The following GRIP1 variants were observed in gnomAD, a reference collection of about 807,000 sequenced individuals.
The protein encoded by GRIP1 is glutamate receptor-interacting protein 1.
In GRIP1, 45 loss-of-function variants were observed where a neutral mutation model predicts 129.9. The ratio of observed to expected loss-of-function variants is 0.35; its 90% CI spans 0.27 to 0.44. The LOEUF is 0.44. GRIP1 is among the 20% of genes least tolerant of loss of function. GRIP1 has a pLI of 1.00. For synonymous variants in GRIP1, 530 were observed against 520.8 expected (o/e 1.02, Z -0.24); for missense variants, 1,196 against 1,396.8 (o/e 0.86, Z 2.29).
intron 1 of GRIP1, among the ~76,000 whole-genome samples, chr12:66,866,490 A>T (rs999972476): frequency 1.3e-5 from 2 of 152,124 alleles, no homozygotes; most frequent in Admixed American, 6.6e-5. Context: ...GAACATGGTG[A>T]CTATAGTTAA....
intron 10 of GRIP1, 90 bp downstream of exon 10, chr12:66,456,097 A>G: frequency 1.3e-6 from 1 of 758,192 alleles, no homozygotes; most frequent in Non-Finnish European, 2.0e-6. Flanking sequence ...CAGAAAAAAC[A>G]ACATCCATGA....
chr12:66,392,848 A>G, intron 17 of GRIP1, 32 bp from the exon 18 acceptor site: 2 of 1,602,604 alleles, frequency 1.2e-6, no homozygotes, highest in Non-Finnish European at 1.7e-6. Context: ...GGAGAGGTAG[A>G]AATAATCCCT....
At chr12:66,668,747 A>G (rs1474951021) in intron 1 of GRIP1, among the ~76,000 whole-genome samples, 6 of 151,728 alleles carry the variant, frequency 4.0e-5, no homozygotes, top group Admixed American at 2.6e-4. Context: ...ACATAGGGAC[A>G]TAGGGAGACC....
At chr12:66,803,158 C>A (rs943918426) in intron 1 of GRIP1, among the ~76,000 whole-genome samples, 1 of 152,122 alleles carries the variant, frequency 6.6e-6, no homozygotes, top group Non-Finnish European at 1.5e-5. Context: ...CATGATTAGA[C>A]ATCAAAAGAC....
intron 14 of GRIP1, among the ~76,000 whole-genome samples, chr12:66,424,056 C>T (rs1185748099): frequency 6.6e-6 from 1 of 152,084 alleles, no homozygotes; most frequent in Non-Finnish European, 1.5e-5. Flanking sequence ...TCACTTGTAT[C>T]TCCAATGCAA....
At chr12:66,685,555 C>A (rs1410713064) in intron 1 of GRIP1, among the ~76,000 whole-genome samples, 1 of 152,090 alleles carries the variant, frequency 6.6e-6, no homozygotes, top group Non-Finnish European at 1.5e-5. Flanking sequence ...AAAGAATGTT[C>A]ATTTTCCACA....
chr12:66,607,979 T>C (rs1241107221), intron 1 of GRIP1, among the ~76,000 whole-genome samples: 5 of 152,220 alleles, frequency 3.3e-5, no homozygotes, highest in South Asian at 2.1e-4. Flanking sequence ...TTATACACCA[T>C]CTTAGAACCA....
At chr12:66,528,134 G>GTTTTTTTTTTGT (rs2061320897) in intron 5 of GRIP1, among the ~76,000 whole-genome samples, 1 of 99,244 alleles carries the variant, frequency 1.0e-5, no homozygotes, top group African/African-American at 4.7e-5. Flanking sequence ...GAATTAGTAG[G>GTTTTTTTTTTGT]TTTTTTTTTT....
At chr12:66,460,772 T>A (rs1392710116) in intron 9 of GRIP1, among the ~76,000 whole-genome samples, 1 of 152,206 alleles carries the variant, frequency 6.6e-6, no homozygotes, top group Admixed American at 6.5e-5. Flanking sequence ...AATCAGAACT[T>A]TCTTGTGGAG....
At chr12:66,578,338 C>T (rs991721530) in intron 2 of GRIP1, among the ~76,000 whole-genome samples, 15 of 147,630 alleles carry the variant, frequency 1.0e-4, no homozygotes, top group East Asian at 4.1e-4. Context: ...ACGCAGAAGA[C>T]GGGTGATTTC....
In GRIP1 at chr12:66,599,947, A is replaced by G. The variant is rs543223559; in HGVS notation, c.56-3020T>C. ...CCTTTTAGATAGACAATAAGATTTC[A>G]TAAGTCATTGGGTCCACATGTTGCT... On this transcript the variant is annotated intron_variant, in intron 1 of 24. Transcript: ENST00000359742. 2.6e-5 allele frequency among the ~76,000 whole-genome samples: 4 copies of G among 152,306 alleles called. No individual in the cohort carries two copies. In the South Asian group the frequency reaches 6.2e-4, roughly 24 times the overall value.
chr12:66,591,760 G>A (rs1275621056), intron 2 of GRIP1, among the ~76,000 whole-genome samples: 1 of 152,044 alleles, frequency 6.6e-6, no homozygotes, highest in South Asian at 2.1e-4. Flanking sequence ...GTCCTGAGTA[G>A]CTGGGACCAC....
chr12:66,813,885 T>C (rs1042475888), intron 1 of GRIP1, among the ~76,000 whole-genome samples: 2 of 152,210 alleles, frequency 1.3e-5, no homozygotes, highest in African/African-American at 4.8e-5. Context: ...ATGATCTACA[T>C]TTAAGATGAA....
At chr12:66,840,776 A>T (rs1382948017) in intron 1 of GRIP1, among the ~76,000 whole-genome samples, 1 of 152,180 alleles carries the variant, frequency 6.6e-6, no homozygotes, top group African/African-American at 2.4e-5. Flanking sequence ...GAGGCAGAAG[A>T]GAGTAGGAGT....
chr12:66,545,304 C>A (rs1480619028), intron 2 of GRIP1, among the ~76,000 whole-genome samples: 1 of 152,036 alleles, frequency 6.6e-6, no homozygotes, highest in Non-Finnish European at 1.5e-5. Context: ...TTTTTAATTA[C>A]TGAACTCCAG....
intron 7 of GRIP1, among the ~76,000 whole-genome samples, chr12:66,498,221 G>A (rs1354547608): frequency 2.0e-5 from 3 of 152,168 alleles, no homozygotes; most frequent in East Asian, 3.8e-4. Flanking sequence ...ACACAGACGC[G>A]CATGAAAGTG....
At chr12:66,982,586 G>C (rs574382177) in intron 1 of GRIP1, among the ~76,000 whole-genome samples, 1 of 152,252 alleles carries the variant, frequency 6.6e-6, no homozygotes, top group South Asian at 2.1e-4. Context: ...GGTAAGAAAT[G>C]GGGAACTTTA....
At chr12:66,856,638 G>A (rs1219722161) in intron 1 of GRIP1, among the ~76,000 whole-genome samples, 3 of 151,574 alleles carry the variant, frequency 2.0e-5, no homozygotes, top group African/African-American at 4.9e-5. Flanking sequence ...ATCATCACTG[G>A]CCATCAGAGA....
intron 1 of GRIP1, among the ~76,000 whole-genome samples, chr12:66,741,648 G>C (rs1189477164): frequency 2.6e-5 from 4 of 152,184 alleles, no homozygotes; most frequent in African/African-American, 9.7e-5. Context: ...ATTTCAACAT[G>C]TAATCAATCT....
Sources: allele counts gnomAD v4.1 joint callset (sites outside exome capture counted in the v4.1 genomes callset), GRCh38; gene constraint gnomAD v4.1.1; transcripts MANE v1.5; gene names NCBI Gene and HGNC (gene_info 2026-07-23, HGNC 2026-07-21).